ANP32A: variants seen among roughly 807,000 people sequenced by gnomAD.
The protein encoded by ANP32A is acidic nuclear phosphoprotein 32 family member A.
ANP32A carries 1 observed loss-of-function variant against 33.9 expected under a neutral mutation model. The ratio of observed to expected loss-of-function variants is 0.03; its 90% CI spans 0.01 to 0.14. The LOEUF is 0.14. Among genes scored for constraint, ANP32A ranks in the 10% least tolerant of loss-of-function variants. The probability of loss-of-function intolerance (pLI) is 1.00; values close to 1 mark genes in which losing one functional copy is unlikely to be tolerated. For missense variants in ANP32A, 155 were observed against 306.0 expected, an observed-to-expected ratio of 0.51 and a Z score of 3.68; for synonymous variants, 115 against 120.5, an observed-to-expected ratio of 0.95 and a Z score of 0.30.
intron 1 of ANP32A, among the ~76,000 whole-genome samples, 187 bp from the exon 2 acceptor site, chr15:68,788,106 T>C (rs1207996221): frequency 3.9e-5 from 6 of 152,208 alleles, no homozygotes; most frequent in Non-Finnish European, 8.8e-5. Context: ...CACCCTGACT[T>C]TTCTGCCTTT....
At position 68,783,143 on chromosome 15, in the gene ANP32A, T is replaced by C. The variant is rs937884411; in HGVS notation, c.527-90A>G. 2.1e-5 allele frequency: 32 copies of C among 1,525,764 alleles called. No individual in the cohort carries two copies. The Middle Eastern group carries it at 6.8e-4, about 32-fold the overall frequency. 94.5% of individuals were successfully genotyped at this position (1,525,764 alleles called of 1,614,324 possible). ...CACAGGCCCCTTGTAGCGTCTTCAG[T>C]GTGGGGCTCATGACCCTCCCACACC... On this transcript the variant is annotated intron_variant, in intron 4 of 6. Coordinates refer to ENST00000465139, the MANE Select transcript of ANP32A (RefSeq NM_006305.4).
intron 3 of ANP32A, among the ~76,000 whole-genome samples, chr15:68,786,194 C>G (rs931790050): frequency 6.6e-6 from 1 of 151,618 alleles, no homozygotes; most frequent in African/African-American, 2.4e-5. Context: ...GCAAACGTGG[C>G]CAATTGTCCT....
chr15:68,780,777 A>G lies in ANP32A; in HGVS notation c.625-304T>C, dbSNP rs1893857453. ...ACCCAGGTTAAGAACTCTGATCTGA[A>G]GTCCCTGTAAGGCAGGCAGCTCTCC... On this transcript the variant is annotated intron_variant, in intron 5 of 6. Coordinates refer to ENST00000465139, the MANE Select transcript of ANP32A (RefSeq NM_006305.4). The surrounding 1 kb of genome is among the most constrained non-coding windows in gnomAD (Gnocchi z 4.3). 3 of 303,500 alleles carry G rather than the reference A, an allele frequency of 9.9e-6. No individual in the cohort carries two copies. In the South Asian group the frequency reaches 1.4e-4, roughly 15 times the overall value. 18.8% of individuals were successfully genotyped at this position (303,500 alleles called of 1,614,324 possible).
intron 1 of ANP32A, among the ~76,000 whole-genome samples, chr15:68,810,575 G>A (rs1028409082): frequency 6.6e-6 from 1 of 152,172 alleles, no homozygotes; most frequent in African/African-American, 2.4e-5. Flanking sequence ...CGCAGTACCT[G>A]CAGCTGTCAG....
intron 3 of ANP32A, among the ~76,000 whole-genome samples, chr15:68,784,890 T>C (rs1462425541): frequency 6.6e-6 from 1 of 152,196 alleles, no homozygotes; most frequent in Non-Finnish European, 1.5e-5. Flanking sequence ...GTCTTAACAG[T>C]GATTGACTTG....
intron 1 of ANP32A, among the ~76,000 whole-genome samples, chr15:68,817,878 T>G (rs1248468826): frequency 1.3e-5 from 2 of 150,506 alleles, no homozygotes; most frequent in Non-Finnish European, 3.0e-5. Context: ...AAGACTCCGC[T>G]CCCCCCGCCC....
At chr15:68,794,365 G>A (rs1894036424) in intron 1 of ANP32A, among the ~76,000 whole-genome samples, 1 of 152,192 alleles carries the variant, frequency 6.6e-6, no homozygotes, top group Non-Finnish European at 1.5e-5. Flanking sequence ...TCCACACCTT[G>A]TTTTGTTTTT....
chr15:68,782,841 C>A, intron 5 of ANP32A, 115 bp downstream of exon 5: 1 of 1,485,590 alleles, frequency 6.7e-7, no homozygotes, highest in South Asian at 1.3e-5. Flanking sequence ...CACTACCCAT[C>A]GGGGAGCGAC....
intron 1 of ANP32A, among the ~76,000 whole-genome samples, chr15:68,800,153 T>G (rs544151936): frequency 2.6e-5 from 4 of 152,296 alleles, no homozygotes; most frequent in African/African-American, 7.2e-5. Flanking sequence ...TATTGTATGA[T>G]AAAGCCCTGC....
At chr15:68,805,340 T>C (rs1040410080) in intron 1 of ANP32A, among the ~76,000 whole-genome samples, 28 of 152,250 alleles carry the variant, frequency 1.8e-4, no homozygotes, top group Admixed American at 1.6e-3. Context: ...CAGTCAGCCG[T>C]TGCCTTACCT....
At chr15:68,787,697 T>C (rs569630683) in intron 2 of ANP32A, 73 bp downstream of exon 2, 14 of 1,601,670 alleles carry the variant, frequency 8.7e-6, no homozygotes, top group Non-Finnish European at 1.2e-5. Flanking sequence ...AATTACTCTT[T>C]CTAAACATAG....
In ANP32A at chr15:68,801,261, A is replaced by C. The variant is rs118044330; in HGVS notation, c.55-13342T>G. On this transcript the variant is annotated intron_variant, in intron 1 of 6. Coordinates refer to ENST00000465139, the MANE Select transcript of ANP32A (RefSeq NM_006305.4). Reference sequence around the variant, plus strand: ...GCAAAGGAAAAAAGTGAAGGAGAAGAAGCTTTAATCAGGATTGTGCTTGCC... The same window carrying C: ...GCAAAGGAAAAAAGTGAAGGAGAAGCAGCTTTAATCAGGATTGTGCTTGCC... Among the ~76,000 whole-genome samples, 114 of 151,670 alleles carry C rather than the reference A, an allele frequency of 7.5e-4. 2 individuals are homozygous for C. In the East Asian group the frequency reaches 0.014, roughly 19 times the overall value.
chr15:68,793,592 G>A (rs959913341), intron 1 of ANP32A, among the ~76,000 whole-genome samples: 20 of 152,196 alleles, frequency 1.3e-4, no homozygotes, highest in African/African-American at 4.8e-4. Context: ...CCAGTCCAGT[G>A]TGCCAGGTAG....
intron 1 of ANP32A, among the ~76,000 whole-genome samples, chr15:68,807,000 CA>C (rs1321595534): frequency 1.3e-5 from 2 of 152,354 alleles, no homozygotes; most frequent in African/African-American, 4.8e-5. Context: ...TGCCCTCTGG[CA>C]GGGGGTATGG....
chr15:68,812,532 T>C (rs548059606), intron 1 of ANP32A, among the ~76,000 whole-genome samples: 78 of 152,190 alleles, frequency 5.1e-4, no homozygotes, highest in African/African-American at 1.8e-3. Context: ...GATGGGCTGG[T>C]TTAAAACAGA....
chr15:68,794,693 C>T (rs764846423), intron 1 of ANP32A, among the ~76,000 whole-genome samples: 12 of 152,104 alleles, frequency 7.9e-5, no homozygotes, highest in Non-Finnish European at 1.6e-4. Flanking sequence ...ACCATAAAAT[C>T]GATGGTTTTG....
chr15:68,790,516 A>T (rs541545209), intron 1 of ANP32A: 1 of 152,334 alleles, frequency 6.6e-6, no homozygotes, highest in South Asian at 2.1e-4. Context: ...TCTGGAGGAC[A>T]ATACTCAAGC....
At chr15:68,788,012 G>A in intron 1 of ANP32A, 93 bp from the exon 2 acceptor site, 2 of 1,473,536 alleles carry the variant, frequency 1.4e-6, no homozygotes, top group Non-Finnish European at 1.9e-6. Context: ...CAGGGAGACA[G>A]ACGCAGGAAG....
Position 68,784,451 on chromosome 15 carries a change from A to T in ANP32A, c.472T>A (p.Ser158Thr), listed in dbSNP as rs772530468. 2.5e-6 allele frequency: 4 copies of T among 1,613,808 alleles called. No homozygotes were observed. In the African/African-American group the frequency reaches 5.3e-5, roughly 22 times the overall value. Residue 158 changes from serine to threonine, a missense_variant, in exon 4 of 7, where the codon TCG becomes ACG. By Grantham distance (58) the Ser-to-Thr change is moderately conservative (BLOSUM62 1). This residue lies in a region of ANP32A where 85 missense variants were observed against 183.8 expected (regional missense o/e 0.46). Coordinates refer to ENST00000465139, the MANE Select transcript of ANP32A (RefSeq NM_006305.4). ...YDRDDKEAPD[S>T]DAEGYVEGLD... Reference sequence around the variant, plus strand: ...CCCTCCACGTAGCCCTCAGCATCCGAGTCAGGGGCCTCCTTGTCGTCCCGG... The same window carrying T: ...CCCTCCACGTAGCCCTCAGCATCCGTGTCAGGGGCCTCCTTGTCGTCCCGG...
Sources: allele counts gnomAD v4.1 joint callset (sites outside exome capture counted in the v4.1 genomes callset), GRCh38; gene constraint gnomAD v4.1.1; regional missense constraint gnomAD v4.1.1; non-coding constraint Gnocchi (gnomAD v3.1); transcripts MANE v1.5; gene names NCBI Gene and HGNC (gene_info 2026-07-23, HGNC 2026-07-21).